ERBB4: variants seen among roughly 807,000 people sequenced by gnomAD.
ERBB4 encodes erb-b2 receptor tyrosine kinase 4, also known as receptor tyrosine-protein kinase erbB-4.
ERBB4 carries 42 observed loss-of-function variants against 158.0 expected under a neutral mutation model. The ratio of observed to expected loss-of-function variants is 0.27; its 90% CI spans 0.21 to 0.34. ERBB4 has a LOEUF of 0.34. Ranked by LOEUF, ERBB4 falls within the 10% of genes least tolerant of loss-of-function variation. ERBB4 has a pLI of 1.00. For synonymous variants in ERBB4, 583 were observed against 558.7 expected, an observed-to-expected ratio of 1.04 and a Z score of -0.61; for missense variants, 1,333 against 1,624.1, an observed-to-expected ratio of 0.82 and a Z score of 3.08.
At chr2:212,173,215 C>A (rs2081570899) in intron 1 of ERBB4, among the ~76,000 whole-genome samples, 1 of 151,300 alleles carries the variant, frequency 6.6e-6, no homozygotes, top group Admixed American at 6.6e-5. Context: ...ATTTTGTATT[C>A]AAGAAAGAAA....
At chr2:212,065,816 A>G (rs896381539) in intron 2 of ERBB4, among the ~76,000 whole-genome samples, 2 of 152,052 alleles carry the variant, frequency 1.3e-5, no homozygotes, top group Admixed American at 6.6e-5. Flanking sequence ...TCCCAACCCC[A>G]TAGAGCTAGG....
intron 20 of ERBB4, among the ~76,000 whole-genome samples, chr2:211,526,806 A>T (rs937074657): frequency 1.3e-5 from 2 of 152,138 alleles, no homozygotes; most frequent in African/African-American, 4.8e-5. Context: ...TGACATACTG[A>T]AGAATGCATC....
chr2:212,180,672 T>C (rs914968718), intron 1 of ERBB4, among the ~76,000 whole-genome samples: 6 of 151,726 alleles, frequency 4.0e-5, no homozygotes, highest in Non-Finnish European at 8.9e-5. Flanking sequence ...TTTTCTCTAA[T>C]GTCACCAATT....
chr2:211,412,588 T>C (rs2125381465), intron 25 of ERBB4, among the ~76,000 whole-genome samples: 1 of 152,328 alleles, frequency 6.6e-6, no homozygotes, highest in East Asian at 1.9e-4. Context: ...CTTTGTACTC[T>C]CATTGCCCAA....
intron 2 of ERBB4, among the ~76,000 whole-genome samples, chr2:211,974,693 T>C (rs1402295070): frequency 1.3e-5 from 2 of 152,158 alleles, no homozygotes; most frequent in Admixed American, 1.3e-4. Context: ...AGGCAGAGGC[T>C]GCAGTGAGCC....
chr2:211,509,232 C>A (rs934584045), intron 20 of ERBB4, among the ~76,000 whole-genome samples: 2 of 152,072 alleles, frequency 1.3e-5, no homozygotes, highest in Non-Finnish European at 2.9e-5. Flanking sequence ...AATACTAATT[C>A]TTGGGAGGCT....
chr2:212,028,123 C>T (rs1160686851), intron 2 of ERBB4, among the ~76,000 whole-genome samples: 1 of 152,018 alleles, frequency 6.6e-6, no homozygotes. Flanking sequence ...AATAGCAATG[C>T]CCCTGATTTT....
Position 212,134,888 on chromosome 2 carries a change from G to A in ERBB4, c.83-9985C>T, listed in dbSNP as rs184228633. Among the ~76,000 whole-genome samples the A allele has an allele frequency of 2.1e-4, 32 of 151,820 alleles. No individual in the cohort carries two copies. In the East Asian group the frequency reaches 3.5e-3, roughly 17 times the overall value. On this transcript the variant is annotated intron_variant, in intron 1 of 27. Coordinates refer to ENST00000342788, the MANE Select transcript of ERBB4 (RefSeq NM_005235.3). ...TTTTAGTAGGGATGGGGGTTTCACCGTGTCAGCTAGGATGGTCTCGATCTC... is the reference window on the plus strand; with the variant it reads ...TTTTAGTAGGGATGGGGGTTTCACCATGTCAGCTAGGATGGTCTCGATCTC...
chr2:211,830,629 ACAT>A (rs1261553078), intron 3 of ERBB4, among the ~76,000 whole-genome samples: 2 of 152,174 alleles, frequency 1.3e-5, no homozygotes, highest in African/African-American at 4.8e-5. Flanking sequence ...AAAGCAATAA[ACAT>A]CATTCCAAAA....
chr2:212,028,025 C>G (rs186339977), intron 2 of ERBB4, among the ~76,000 whole-genome samples: 9 of 151,982 alleles, frequency 5.9e-5, no homozygotes, highest in African/African-American at 2.2e-4. Context: ...GAAAGTTCAG[C>G]AACAGGAAAT....
At chr2:211,827,587 T>C (rs1036835933) in intron 3 of ERBB4, among the ~76,000 whole-genome samples, 1 of 151,986 alleles carries the variant, frequency 6.6e-6, no homozygotes, top group Non-Finnish European at 1.5e-5. Flanking sequence ...CTTGCTGATA[T>C]ACAGTTCTTT....
chr2:211,830,499 A>C (rs1463814267), intron 3 of ERBB4, among the ~76,000 whole-genome samples: 1 of 152,056 alleles, frequency 6.6e-6, no homozygotes, highest in Non-Finnish European at 1.5e-5. Flanking sequence ...ATTAGCCTTT[A>C]ATTTGTTTAT....
chr2:211,946,312 T>G (rs1257472166), intron 3 of ERBB4, among the ~76,000 whole-genome samples: 1 of 152,030 alleles, frequency 6.6e-6, no homozygotes, highest in Non-Finnish European at 1.5e-5. Flanking sequence ...ACTAGAAATT[T>G]AATATCCACT....
intron 3 of ERBB4, among the ~76,000 whole-genome samples, chr2:211,876,841 T>C (rs1450963710): frequency 6.6e-6 from 1 of 152,182 alleles, no homozygotes; most frequent in Non-Finnish European, 1.5e-5. Context: ...AAATGTTTTT[T>C]TATCATGCCA....
chr2:212,392,338 A>G (rs2090902562), intron 1 of ERBB4, among the ~76,000 whole-genome samples: 1 of 152,036 alleles, frequency 6.6e-6, no homozygotes, highest in African/African-American at 2.4e-5. Context: ...AGTCAGGAAA[A>G]TGGCAAGAGG....
chr2:212,489,312 G>C (rs1011000326), intron 1 of ERBB4, among the ~76,000 whole-genome samples: 2 of 151,646 alleles, frequency 1.3e-5, no homozygotes, highest in South Asian at 4.2e-4. Flanking sequence ...TTGTTTTCTT[G>C]TCCTCATAGG....
At chr2:212,506,512 G>A (rs7574330) in intron 1 of ERBB4, among the ~76,000 whole-genome samples, 22,113 of 147,406 alleles carry the variant, frequency 0.15, 1,822 homozygotes, top group African/African-American at 0.17. Context: ...TGCTGCTCCA[G>A]TGAACACACA....
At chr2:211,754,840 ATAGAAATGCACCACCACACTGGCTAATT>A (rs1223337506) in intron 4 of ERBB4, among the ~76,000 whole-genome samples, 1 of 151,540 alleles carries the variant, frequency 6.6e-6, no homozygotes, top group East Asian at 2.0e-4. Context: ...AGCTGGGATT[ATAGAAATGCACCACCACACTGGCTAATT>A]TTTGTGTTTT....
chr2:212,524,556 T>G (rs779542603), intron 1 of ERBB4, among the ~76,000 whole-genome samples: 1 of 152,022 alleles, frequency 6.6e-6, no homozygotes, highest in Non-Finnish European at 1.5e-5. Context: ...TTGCTTTAAA[T>G]GTGGACAGAA....
Sources: allele counts gnomAD v4.1 joint callset (sites outside exome capture counted in the v4.1 genomes callset), GRCh38; gene constraint gnomAD v4.1.1; transcripts MANE v1.5; gene names NCBI Gene and HGNC (gene_info 2026-07-23, HGNC 2026-07-21).